EIF4EBP1: variants seen among roughly 807,000 people sequenced by gnomAD.
EIF4EBP1 encodes eukaryotic translation initiation factor 4E binding protein 1.
EIF4EBP1 carries 5 observed loss-of-function variants against 9.2 expected under a neutral mutation model. The observed-to-expected ratio is 0.54, with a 90% CI of 0.28 to 1.14. The LOEUF (loss-of-function observed/expected upper bound fraction) is 1.14. Among genes scored for constraint, EIF4EBP1 ranks in the 50% most tolerant of loss-of-function variants. The pLI is 0.09. For synonymous variants in EIF4EBP1, 62 were observed against 67.0 expected (o/e 0.93, Z 0.36); for missense variants, 139 against 169.6 (o/e 0.82, Z 1.00).
chr8:38,042,975 G>A (rs1450816912), intron 1 of EIF4EBP1, among the ~76,000 whole-genome samples: 1 of 152,150 alleles, frequency 6.6e-6, no homozygotes, highest in Non-Finnish European at 1.5e-5. Context: ...GCTGAGGCAG[G>A]AGAATCTCTG....
At chr8:38,053,826 A>G (rs926012460) in intron 1 of EIF4EBP1, among the ~76,000 whole-genome samples, 1 of 152,196 alleles carries the variant, frequency 6.6e-6, no homozygotes, top group Admixed American at 6.5e-5. Context: ...GTATGATTTC[A>G]CTATATAAGA....
chr8:38,034,183 A>T (rs1356814269), intron 1 of EIF4EBP1, among the ~76,000 whole-genome samples: 1 of 151,972 alleles, frequency 6.6e-6, no homozygotes, highest in Non-Finnish European at 1.5e-5. Flanking sequence ...AGTAGCTGGG[A>T]CTATAGGCAC....
intron 1 of EIF4EBP1, among the ~76,000 whole-genome samples, chr8:38,037,218 A>G (rs770232679): frequency 2.0e-5 from 3 of 152,172 alleles, no homozygotes; most frequent in Non-Finnish European, 2.9e-5. Context: ...CTTTGTATCC[A>G]CATGACCTAA....
intron 1 of EIF4EBP1, among the ~76,000 whole-genome samples, chr8:38,050,484 G>A (rs992698526): frequency 6.6e-6 from 1 of 152,078 alleles, no homozygotes; most frequent in African/African-American, 2.4e-5. Flanking sequence ...TGGGTAGCTG[G>A]AACTACAGAC....
intron 1 of EIF4EBP1, among the ~76,000 whole-genome samples, chr8:38,039,402 CTTTT>C (rs56390718): frequency 4.5e-5 from 4 of 89,000 alleles, no homozygotes; most frequent in Non-Finnish European, 2.3e-5. Flanking sequence ...GTACTAAATA[CTTTT>C]TTTTTTTTTT....
chr8:38,041,727 A>G (rs1374675741), intron 1 of EIF4EBP1, among the ~76,000 whole-genome samples: 4 of 152,198 alleles, frequency 2.6e-5, no homozygotes, highest in African/African-American at 4.8e-5. Flanking sequence ...GCAGTAGCTC[A>G]TGCCTGTAAT....
intron 1 of EIF4EBP1, among the ~76,000 whole-genome samples, chr8:38,052,211 C>G (rs1459789562): frequency 6.6e-6 from 1 of 152,074 alleles, no homozygotes; most frequent in Non-Finnish European, 1.5e-5. Context: ...GGCCAAGTGT[C>G]CCCAGCACCA....
intron 1 of EIF4EBP1, among the ~76,000 whole-genome samples, chr8:38,037,524 A>G (rs1809320910): frequency 6.6e-6 from 1 of 151,824 alleles, no homozygotes; most frequent in Non-Finnish European, 1.5e-5. Flanking sequence ...CATGTTGGCC[A>G]GGATGGTCTC....
chr8:38,041,948 C>T lies in EIF4EBP1; in HGVS notation c.145+11230C>T, dbSNP rs117579831. Among the ~76,000 whole-genome samples the T allele has an allele frequency of 5.3e-3, 803 of 151,912 alleles. 11 individuals are homozygous for T. Among genetic ancestry groups the T allele is most frequent in the East Asian group, 0.023 (119 of 5,166 alleles). On this transcript the variant is annotated intron_variant, in intron 1 of 2. Coordinates refer to ENST00000338825, the MANE Select transcript of EIF4EBP1 (RefSeq NM_004095.4). ...TTGAGGTTACGGTGAGCTATGATCACGCCACTGCACTTCAGCCTGTGTAAT... is the reference window on the plus strand; with the variant it reads ...TTGAGGTTACGGTGAGCTATGATCATGCCACTGCACTTCAGCCTGTGTAAT...
rs181551924 is a variant in EIF4EBP1 at position 38,037,284 on chromosome 8, G to A, written c.145+6566G>A. Among the ~76,000 whole-genome samples the A allele has an allele frequency of 5.9e-5, 9 of 152,178 alleles. No homozygotes were observed. The East Asian group carries it at 1.5e-3, about 26-fold the overall frequency. Reference sequence around the variant, plus strand: ...TTGAAAAGAATGCTGGAATGAAAGCGTTCCCCTCAGGATAACCTAGTTTTC... The same window carrying A: ...TTGAAAAGAATGCTGGAATGAAAGCATTCCCCTCAGGATAACCTAGTTTTC... On this transcript the variant is annotated intron_variant, in intron 1 of 2. Transcript: ENST00000338825.
At chr8:38,050,006 G>A (rs1290993420) in intron 1 of EIF4EBP1, among the ~76,000 whole-genome samples, 4 of 151,944 alleles carry the variant, frequency 2.6e-5, no homozygotes, top group African/African-American at 7.3e-5. Context: ...CCGCCTCCTG[G>A]GTTCAAGCGG....
At chr8:38,047,064 G>A (rs1244645216) in intron 1 of EIF4EBP1, among the ~76,000 whole-genome samples, 1 of 152,162 alleles carries the variant, frequency 6.6e-6, no homozygotes, top group Non-Finnish European at 1.5e-5. Context: ...GAACTGGGGT[G>A]AGATGGATGT....
At chr8:38,048,372 C>T (rs1343531021) in intron 1 of EIF4EBP1, among the ~76,000 whole-genome samples, 1 of 151,914 alleles carries the variant, frequency 6.6e-6, no homozygotes, top group Admixed American at 6.6e-5. Flanking sequence ...AGCATTTCCA[C>T]TTTTATATAT....
intron 1 of EIF4EBP1, among the ~76,000 whole-genome samples, chr8:38,035,712 T>A (rs1056958597): frequency 1.3e-5 from 2 of 151,168 alleles, no homozygotes; most frequent in African/African-American, 4.9e-5. Context: ...TTTATTTATT[T>A]ATTATTATTT....
Position 38,055,824 on chromosome 8 carries a change from G to A in EIF4EBP1, c.146-1257G>A, listed in dbSNP as rs545784626. ...AGCCTGGCCAACATGGTGAAATCCC[G>A]TCTCTACTAAAGATACAAAAAATTA... On this transcript the variant is annotated intron_variant, in intron 1 of 2. Transcript: ENST00000338825. Among the ~76,000 whole-genome samples the A allele has an allele frequency of 4.1e-4, 63 of 152,038 alleles. No homozygotes were observed. In the Middle Eastern group the frequency reaches 0.02, roughly 49 times the overall value.
At chr8:38,037,716 A>C (rs1809323823) in intron 1 of EIF4EBP1, among the ~76,000 whole-genome samples, 1 of 152,140 alleles carries the variant, frequency 6.6e-6, no homozygotes, top group Admixed American at 6.6e-5. Flanking sequence ...ATAAGTGTTT[A>C]TCTCAGAATG....
At chr8:38,044,182 A>G (rs1809419930) in intron 1 of EIF4EBP1, among the ~76,000 whole-genome samples, 1 of 150,368 alleles carries the variant, frequency 6.7e-6, no homozygotes, top group African/African-American at 2.5e-5. Flanking sequence ...CCATCCTCGT[A>G]CTCTCACTAA....
rs1046233274 is a variant in EIF4EBP1, at chr8:38,038,230, C to T, written c.145+7512C>T. Among the ~76,000 whole-genome samples, 34 of 151,800 alleles carry T rather than the reference C, an allele frequency of 2.2e-4. 1 individual carries two copies. Among genetic ancestry groups the T allele is most frequent in the Admixed American group, 2.0e-3 (30 of 15,208 alleles). ...AATTGTTTTAAGACAGATTCTTGGC[C>T]GGACACGGTGGCTCATGCCTGTAAT... On this transcript the variant is annotated intron_variant, in intron 1 of 2. Coordinates refer to ENST00000338825, the MANE Select transcript of EIF4EBP1 (RefSeq NM_004095.4).
intron 1 of EIF4EBP1, among the ~76,000 whole-genome samples, chr8:38,048,324 T>C (rs1406120922): frequency 6.6e-6 from 1 of 152,108 alleles, no homozygotes; most frequent in East Asian, 1.9e-4. Context: ...GTTGTTTTTA[T>C]TATGATGATT....
Sources: allele counts gnomAD v4.1 joint callset (sites outside exome capture counted in the v4.1 genomes callset), GRCh38; gene constraint gnomAD v4.1.1; transcripts MANE v1.5; gene names NCBI Gene and HGNC (gene_info 2026-07-23, HGNC 2026-07-21).